The following PPP1R9A variants were observed in gnomAD, a reference collection of about 807,000 sequenced individuals.
PPP1R9A encodes neurabin-1.
PPP1R9A carries 59 observed loss-of-function variants against 141.9 expected under a neutral mutation model. That is an observed-to-expected ratio of 0.42 (90% confidence interval 0.34 to 0.52). The LOEUF is 0.52. Ranked by LOEUF, PPP1R9A falls within the 20% of genes least tolerant of loss-of-function variation. The pLI is 0.10. For missense variants in PPP1R9A, 1,444 were observed against 1,611.9 expected (o/e 0.90, Z 1.78); for synonymous variants, 500 against 569.7 (o/e 0.88, Z 1.74).
chr7:95,050,043 T>C (rs765571719), intron 2 of PPP1R9A, among the ~76,000 whole-genome samples: 2 of 152,200 alleles, frequency 1.3e-5, no homozygotes, highest in Non-Finnish European at 2.9e-5. Context: ...CTGGATTGTA[T>C]GGTTAGAGTA....
chr7:95,190,280 G>A (rs940111901), intron 5 of PPP1R9A, among the ~76,000 whole-genome samples: 2 of 152,134 alleles, frequency 1.3e-5, no homozygotes, highest in Non-Finnish European at 2.9e-5. Flanking sequence ...AGACTTCAGT[G>A]ACTGTTATTG....
intron 4 of PPP1R9A, among the ~76,000 whole-genome samples, chr7:95,131,549 G>T (rs1271107374): frequency 6.6e-6 from 1 of 151,946 alleles, no homozygotes; most frequent in Non-Finnish European, 1.5e-5. Flanking sequence ...TATAGTTTGA[G>T]GTTGGGCAAC....
intron 3 of PPP1R9A, among the ~76,000 whole-genome samples, chr7:95,119,962 T>C (rs1275814282): frequency 6.9e-6 from 1 of 144,294 alleles, no homozygotes; most frequent in Non-Finnish European, 1.5e-5. Flanking sequence ...TCTTTTTTTT[T>C]TTTTTTTTTT....
In PPP1R9A at chr7:95,163,716, G is replaced by T. The variant is rs568123420; in HGVS notation, c.1754+1745G>T. ...CCTGTATAAACTTCCATGTGCAGGG[G>T]TTTTTTTTGTTTTGTTTTGTTTTTT... On this transcript the variant is annotated intron_variant, in intron 5 of 19. Coordinates refer to ENST00000433360, the MANE Select transcript of PPP1R9A (RefSeq NM_001166160.2). Among the ~76,000 whole-genome samples the T allele has an allele frequency of 9.7e-4, 146 of 151,080 alleles. 2 individuals carry two copies. The highest frequency in any genetic ancestry group is 2.9e-3 in the African/African-American group (118 of 40,890).
At chr7:95,232,243 T>C (rs1796060323) in intron 8 of PPP1R9A, among the ~76,000 whole-genome samples, 1 of 151,966 alleles carries the variant, frequency 6.6e-6, no homozygotes, top group African/African-American at 2.4e-5. Flanking sequence ...ATTGAAATGG[T>C]AATTAAAAAA....
At chr7:95,208,968 A>AAAAAAAAAAAAAAAAAAAC (rs1791486237) in intron 7 of PPP1R9A, among the ~76,000 whole-genome samples, 3 of 148,358 alleles carry the variant, frequency 2.0e-5, no homozygotes, top group South Asian at 2.1e-4. Flanking sequence ...AAAAAAAAAA[A>AAAAAAAAAAAAAAAAAAAC]AAAAAAAAAA....
chr7:94,908,691 G>C (rs1462945007), intron 1 of PPP1R9A: 3 of 152,304 alleles, frequency 2.0e-5, no homozygotes, highest in African/African-American at 7.2e-5. Context: ...TGGAATTGGC[G>C]GGGGAGGGAA....
intron 8 of PPP1R9A, among the ~76,000 whole-genome samples, chr7:95,229,927 CTCCATCAA>C (rs1244925493): frequency 6.6e-6 from 1 of 152,146 alleles, no homozygotes; most frequent in Admixed American, 6.5e-5. Context: ...CCCTTGCTAC[CTCCATCAA>C]AGCAGGTGCT....
Position 95,101,828 on chromosome 7 carries a change from AACTT to A in PPP1R9A, c.1396-9426_1396-9423del, listed in dbSNP as rs528010475. 4.8e-3 allele frequency among the ~76,000 whole-genome samples: 730 copies of A among 152,234 alleles called. 5 individuals carry two copies. The highest frequency in any genetic ancestry group is 0.016 in the African/African-American group (682 of 41,532). On this transcript the variant is annotated intron_variant, in intron 2 of 19. Transcript: ENST00000433360. Reference sequence around the variant, plus strand: ...TTTTTCCCGTAGTTTTGCAAGAAAAAACTTACTTTTATGATTTTTACATGTATTA... The same window carrying A: ...TTTTTCCCGTAGTTTTGCAAGAAAAAACTTTTATGATTTTTACATGTATTA...
intron 2 of PPP1R9A, among the ~76,000 whole-genome samples, chr7:95,096,187 A>T (rs557102837): frequency 8.6e-4 from 131 of 152,288 alleles, no homozygotes; most frequent in Non-Finnish European, 1.6e-3. Flanking sequence ...TTTACAATGC[A>T]TATATTTTAC....
At chr7:95,168,574 A>G (rs1831626503) in intron 5 of PPP1R9A, among the ~76,000 whole-genome samples, 1 of 152,078 alleles carries the variant, frequency 6.6e-6, no homozygotes, top group African/African-American at 2.4e-5. Context: ...ACTTCTGCAC[A>G]GCAAAGGAAA....
chr7:94,986,503 A>G (rs1800854187), intron 2 of PPP1R9A, among the ~76,000 whole-genome samples: 1 of 152,158 alleles, frequency 6.6e-6, no homozygotes, highest in Non-Finnish European at 1.5e-5. Context: ...TGGTTAACAG[A>G]TACAAAATTA....
intron 2 of PPP1R9A, among the ~76,000 whole-genome samples, chr7:95,067,062 A>G (rs1813048049): frequency 6.6e-6 from 1 of 152,214 alleles, no homozygotes; most frequent in Non-Finnish European, 1.5e-5. Flanking sequence ...AGGAAAAGTA[A>G]TTTTCATCTT....
chr7:94,996,017 G>A (rs1802122085), intron 2 of PPP1R9A, among the ~76,000 whole-genome samples: 1 of 152,036 alleles, frequency 6.6e-6, no homozygotes, highest in African/African-American at 2.4e-5. Flanking sequence ...TCTGGTCCAT[G>A]GCTCATAATT....
At chr7:94,989,873 A>G (rs1002229097) in intron 2 of PPP1R9A, among the ~76,000 whole-genome samples, 1 of 152,128 alleles carries the variant, frequency 6.6e-6, no homozygotes, top group Non-Finnish European at 1.5e-5. Flanking sequence ...TTGATTGCCT[A>G]TAAAGGAATT....
At chr7:94,915,695 G>A (rs1460007463) in intron 2 of PPP1R9A, among the ~76,000 whole-genome samples, 1 of 152,172 alleles carries the variant, frequency 6.6e-6, no homozygotes, top group Non-Finnish European at 1.5e-5. Flanking sequence ...TACCTGTCCT[G>A]GATAAACAAT....
chr7:95,058,725 C>A (rs1455316953), intron 2 of PPP1R9A, among the ~76,000 whole-genome samples: 1 of 151,664 alleles, frequency 6.6e-6, no homozygotes, highest in Non-Finnish European at 1.5e-5. Context: ...GGAGTGGGAT[C>A]GGGGGTGGAG....
intron 2 of PPP1R9A, among the ~76,000 whole-genome samples, chr7:95,054,127 T>A (rs2152020689): frequency 6.6e-6 from 1 of 151,362 alleles, no homozygotes; most frequent in African/African-American, 2.4e-5. Context: ...TTTTTTTTTT[T>A]TTTTTCTGAG....
intron 2 of PPP1R9A, among the ~76,000 whole-genome samples, chr7:95,084,269 A>T (rs1261232304): frequency 6.6e-6 from 1 of 152,040 alleles, no homozygotes; most frequent in Non-Finnish European, 1.5e-5. Context: ...TTACATAAGG[A>T]TGATATACCT....
Sources: gnomAD v4.1 joint callset for allele counts (sites outside exome capture counted in the v4.1 genomes callset) on GRCh38, gnomAD v4.1.1 for gene constraint, MANE v1.5 for transcripts, NCBI Gene and HGNC (gene_info 2026-07-23, HGNC 2026-07-21) for gene names.